The following SORCS1 variants were observed in gnomAD, a reference collection of about 807,000 sequenced individuals.
SORCS1 encodes sortilin related VPS10 domain containing receptor 1.
In SORCS1, 60 loss-of-function variants were observed where a neutral mutation model predicts 146.1. That is an observed-to-expected ratio of 0.41 (90% CI 0.33 to 0.51). The LOEUF (loss-of-function observed/expected upper bound fraction) is 0.51, where lower values mean the gene tolerates loss of function less well. Among genes scored for constraint, SORCS1 ranks in the 20% least tolerant of loss-of-function variants. The pLI is 0.21. For synonymous variants in SORCS1, 637 were observed against 584.0 expected, an observed-to-expected ratio of 1.09 and a Z score of -1.31; for missense variants, 1,352 against 1,487.6, an observed-to-expected ratio of 0.91 and a Z score of 1.50.
At chr10:106,606,908 T>C (rs1200323588) in intron 23 of SORCS1, among the ~76,000 whole-genome samples, 1 of 152,220 alleles carries the variant, frequency 6.6e-6, no homozygotes, top group East Asian at 1.9e-4. Flanking sequence ...CCGCCATGAT[T>C]GTAAGTTTCC....
At chr10:106,612,770 C>A (rs1165473587) in intron 21 of SORCS1, among the ~76,000 whole-genome samples, 1 of 152,120 alleles carries the variant, frequency 6.6e-6, no homozygotes, top group African/African-American at 2.4e-5. Context: ...TTGTTCCATG[C>A]CTATCTTTGC....
At chr10:107,043,113 T>G (rs1959183521) in intron 1 of SORCS1, among the ~76,000 whole-genome samples, 1 of 152,054 alleles carries the variant, frequency 6.6e-6, no homozygotes, top group African/African-American at 2.4e-5. Flanking sequence ...AGGAAAAAAA[T>G]AATGAAAGAG....
intron 19 of SORCS1, among the ~76,000 whole-genome samples, chr10:106,621,915 C>G (rs948620543): frequency 2.6e-5 from 4 of 152,144 alleles, no homozygotes; most frequent in African/African-American, 9.7e-5. Flanking sequence ...CCGAATCCAT[C>G]CTCCAAATGG....
intron 1 of SORCS1, among the ~76,000 whole-genome samples, chr10:107,051,040 C>T (rs2134049400): frequency 6.6e-6 from 1 of 152,112 alleles, no homozygotes; most frequent in South Asian, 2.1e-4. Flanking sequence ...CCCTCCCTTC[C>T]TTCCACAAAT....
In SORCS1 at chr10:106,667,679, A is replaced by G. The variant is rs766696199; in HGVS notation, c.2303+10T>C. On this transcript the variant is annotated intron_variant, in intron 17 of 25. Transcript: ENST00000263054. ...GTTGGCCTCTCAAGGTCACTACTCC[A>G]GACACTTACCCAGTACTATTGAGGT... The G allele has an allele frequency of 6.2e-7, 1 of 1,607,794 alleles. No individual in the cohort carries two copies. Among genetic ancestry groups the G allele is most frequent in the Non-Finnish European group, 8.5e-7 (1 of 1,174,814 alleles).
At chr10:107,165,573 G>C (rs773309827), upstream of SORCS1, among the ~76,000 whole-genome samples, 14 of 152,134 alleles carry the variant, frequency 9.2e-5, no homozygotes, top group Non-Finnish European at 1.5e-4. This position sits in a 1 kb window ranked among gnomAD's most constrained non-coding sequence, Gnocchi z 4.0. Context: ...ATTTTCCTCA[G>C]TACGTGGCAC....
At chr10:106,641,278 C>A (rs896355766) in intron 18 of SORCS1, among the ~76,000 whole-genome samples, 7 of 152,100 alleles carry the variant, frequency 4.6e-5, no homozygotes, top group African/African-American at 1.7e-4. Context: ...AGGGTGACCC[C>A]ATATGCTATT....
At chr10:106,850,294 C>T (rs1464164551) in intron 2 of SORCS1, among the ~76,000 whole-genome samples, 3 of 152,120 alleles carry the variant, frequency 2.0e-5, no homozygotes, top group Non-Finnish European at 2.9e-5. Flanking sequence ...CGTGGTGCGC[C>T]GTGTTTTAAG....
intron 17 of SORCS1, among the ~76,000 whole-genome samples, chr10:106,655,640 T>C (rs1244979968): frequency 1.3e-5 from 2 of 152,196 alleles, no homozygotes; most frequent in Non-Finnish European, 2.9e-5. Flanking sequence ...CCCGGGACTA[T>C]GCCACAGAAA....
intron 24 of SORCS1, among the ~76,000 whole-genome samples, chr10:106,591,174 A>T (rs963393223): frequency 4.6e-5 from 7 of 152,178 alleles, no homozygotes; most frequent in African/African-American, 1.4e-4. Flanking sequence ...GCAATAAAAT[A>T]GGGACCAGTG....
chr10:106,900,205 A>G (rs1951649425), intron 2 of SORCS1, among the ~76,000 whole-genome samples: 1 of 152,124 alleles, frequency 6.6e-6, no homozygotes, highest in Non-Finnish European at 1.5e-5. Flanking sequence ...CTGTTGGCTT[A>G]CTTCTCTGTT....
At chr10:106,995,261 C>T (rs1177507236) in intron 1 of SORCS1, among the ~76,000 whole-genome samples, 1 of 151,040 alleles carries the variant, frequency 6.6e-6, no homozygotes, top group African/African-American at 2.4e-5. Flanking sequence ...TAGCAGTGAG[C>T]CGAGATCGCA....
Position 106,761,578 on chromosome 10 carries a change from T to C in SORCS1, c.959+10A>G, listed in dbSNP as rs561450185. The C allele has an allele frequency of 1.2e-6, 2 of 1,613,192 alleles. No individual in the cohort carries two copies. The highest frequency in any genetic ancestry group is 1.7e-5 in the Admixed American group (1 of 60,024). ...TATCTTAATGTGCTACAAGATAAAG[T>C]GAGACTTACCAGTAGAACCTGTTTG... On this transcript the variant is annotated intron_variant, in intron 5 of 25. Transcript: ENST00000263054.
intron 1 of SORCS1, among the ~76,000 whole-genome samples, chr10:107,150,487 TGG>T (rs1327487301): frequency 6.6e-6 from 1 of 152,202 alleles, no homozygotes; most frequent in East Asian, 1.9e-4. Context: ...CTGACATGGT[TGG>T]GTGCAAAATC....
At chr10:106,992,728 C>T (rs1318478836) in intron 1 of SORCS1, among the ~76,000 whole-genome samples, 2 of 151,776 alleles carry the variant, frequency 1.3e-5, no homozygotes, top group Non-Finnish European at 2.9e-5. Flanking sequence ...AACTCTTGAC[C>T]TCAAGCAATC....
chr10:106,653,206 A>G (rs917913166), intron 17 of SORCS1, among the ~76,000 whole-genome samples: 1 of 152,206 alleles, frequency 6.6e-6, no homozygotes, highest in African/African-American at 2.4e-5. Context: ...AAATTATTCT[A>G]CAGAATTAAC....
At chr10:106,822,941 C>T (rs535490462) in intron 3 of SORCS1, among the ~76,000 whole-genome samples, 9 of 141,040 alleles carry the variant, frequency 6.4e-5, no homozygotes, top group South Asian at 4.8e-4. Flanking sequence ...CCACCGCACC[C>T]GGCTAATTTT....
intron 1 of SORCS1, among the ~76,000 whole-genome samples, chr10:107,023,177 T>C (rs1958226025): frequency 6.6e-6 from 1 of 152,206 alleles, no homozygotes; most frequent in African/African-American, 2.4e-5. Flanking sequence ...TAGCCATCAT[T>C]AGCTGCTGGC....
At chr10:106,903,755 C>G (rs77668503) in intron 2 of SORCS1, among the ~76,000 whole-genome samples, 1 of 152,172 alleles carries the variant, frequency 6.6e-6, no homozygotes, top group African/African-American at 2.4e-5. Context: ...TTTGCATTAG[C>G]TTGGGAAAAT....
Sources: gnomAD v4.1 joint callset for allele counts (sites outside exome capture counted in the v4.1 genomes callset) on GRCh38, gnomAD v4.1.1 for gene constraint, Gnocchi (gnomAD v3.1) non-coding constraint, MANE v1.5 for transcripts, NCBI Gene and HGNC (gene_info 2026-07-23, HGNC 2026-07-21) for gene names.